The following SCUBE3 variants were observed in gnomAD, a reference collection of about 807,000 sequenced individuals.
SCUBE3 encodes signal peptide, CUB domain and EGF like domain containing 3, also known as signal peptide, CUB and EGF-like domain-containing protein 3.
Under a neutral mutation model 116.8 loss-of-function variants are expected in SCUBE3, and 33 were observed. The ratio of observed to expected loss-of-function variants is 0.28; its 90% confidence interval spans 0.21 to 0.38. SCUBE3 has a LOEUF of 0.38. Ranked by LOEUF, SCUBE3 falls within the 10% of genes least tolerant of loss-of-function variation. The probability of loss-of-function intolerance (pLI) is 1.00; values close to 1 mark genes in which losing one functional copy is unlikely to be tolerated. For missense variants in SCUBE3, 1,007 were observed against 1,324.8 expected (o/e 0.76, Z 3.72); for synonymous variants, 418 against 496.9 (o/e 0.84, Z 2.11).
chr6:35,227,703 G>T lies in SCUBE3; in HGVS notation c.208+1G>T, dbSNP rs1783383935. On this transcript the variant is annotated splice_donor_variant, in intron 2 of 21. Transcript: ENST00000274938. LOFTEE classifies it high-confidence loss of function. Reference sequence around the variant, plus strand: ...ACAGGGGACGGCAAACACTGCAAAGGTGAGGCTGGAAGGGCACCTGGAGGA... The same window carrying T: ...ACAGGGGACGGCAAACACTGCAAAGTTGAGGCTGGAAGGGCACCTGGAGGA... The T allele has an allele frequency of 6.2e-7, 1 of 1,613,996 alleles. No individual in the cohort carries two copies. The highest frequency in any genetic ancestry group is 1.3e-5 in the African/African-American group (1 of 74,918).
intron 1 of SCUBE3, among the ~76,000 whole-genome samples, chr6:35,226,221 T>A (rs982041026): frequency 6.6e-6 from 1 of 151,948 alleles, no homozygotes; most frequent in Non-Finnish European, 1.5e-5. Context: ...CCTAGGAGAG[T>A]TGACTCTGAT....
intron 1 of SCUBE3, among the ~76,000 whole-genome samples, chr6:35,226,756 G>C (rs555581187): frequency 7.3e-4 from 111 of 152,184 alleles, no homozygotes; most frequent in Non-Finnish European, 1.1e-3. Context: ...GGGATTACAG[G>C]CATGAGCCAC....
At chr6:35,216,494 A>C (rs1782899374) in intron 1 of SCUBE3, among the ~76,000 whole-genome samples, 1 of 152,202 alleles carries the variant, frequency 6.6e-6, no homozygotes, top group African/African-American at 2.4e-5. Context: ...CAGGAAATCT[A>C]CAAACCCCAT....
rs1470999985 is a variant in SCUBE3, at chr6:35,232,630, C to A, written c.470-220C>A. 1.3e-5 allele frequency among the ~76,000 whole-genome samples: 2 copies of A among 152,142 alleles called. No homozygotes were observed. The highest frequency in any genetic ancestry group is 2.9e-5 in the Non-Finnish European group (2 of 68,032). On this transcript the variant is annotated intron_variant, in intron 4 of 21. Coordinates refer to ENST00000274938, the MANE Select transcript of SCUBE3 (RefSeq NM_152753.4). The surrounding 1 kb of genome is among the most constrained non-coding windows in gnomAD (Gnocchi z 4.2). ...CGTTGGGATGAGTATCAATAGCTAG[C>A]TAGTTATACATCATTCAGAACAGCT...
rs1562058697 is a variant in SCUBE3 at position 35,243,660 on chromosome 6, C to A, written c.1976C>A (p.Thr659Asn). 3 of 1,614,100 alleles carry A rather than the reference C, an allele frequency of 1.9e-6. No individual in the cohort carries two copies. Among genetic ancestry groups the A allele is most frequent in the Middle Eastern group, 3.3e-4 (2 of 6,062 alleles). Residue 659 changes from threonine to asparagine, a missense_variant, in exon 16 of 22, where the codon ACC (threonine) becomes AAC (asparagine). By Grantham distance (65) the Thr-to-Asn change is moderately conservative (BLOSUM62 0). Coordinates refer to ENST00000274938, the MANE Select transcript of SCUBE3 (RefSeq NM_152753.4). This position sits in a 1 kb window ranked among gnomAD's most constrained non-coding sequence, Gnocchi z 6.6. ...CAGTGTGTGCCATGCCCAGCGGGCA[C>A]CTTCCAGGAGAGAGAAGGGCAGCTC... Reference protein sequence around the residue: ...TEQCVPCPAGTFQEREGQLSC... With the variant: ...TEQCVPCPAGNFQEREGQLSC...
intron 1 of SCUBE3, among the ~76,000 whole-genome samples, chr6:35,220,054 C>T (rs1045919074): frequency 2.0e-5 from 3 of 152,230 alleles, no homozygotes; most frequent in Non-Finnish European, 4.4e-5. Context: ...TGATTTCCTC[C>T]CTGGATCATG....
rs906467685 is a variant in SCUBE3 at position 35,214,177 on chromosome 6, C to A, written c.-242C>A. Among the ~76,000 whole-genome samples, 20 of 152,258 alleles carry A rather than the reference C, an allele frequency of 1.3e-4. No individual in the cohort carries two copies. The highest frequency in any genetic ancestry group is 4.1e-4 in the African/African-American group (17 of 41,572). On this transcript the variant is annotated 5_prime_UTR_variant, in exon 1 of 22. Coordinates refer to ENST00000274938, the MANE Select transcript of SCUBE3 (RefSeq NM_152753.4). The surrounding 1 kb of genome is among the most constrained non-coding windows in gnomAD (Gnocchi z 6.3). ...GTTCCCCTCCGTCAGTCGCCCCTGG[C>A]GCCCCTCGCCTCGTCGCACTCTCCG...
Position 35,245,400 on chromosome 6 carries a change from G to C in SCUBE3, c.2574G>C (p.Gly858=). The change falls in exon 19 of 22, where the codon GGG becomes GGC. Residue 858 remains glycine, a synonymous_variant. Transcript: ENST00000274938. The surrounding 1 kb of genome is among the most constrained non-coding windows in gnomAD (Gnocchi z 4.2). ...TCCTGCCATCTGAGGATGAGTGTGG[G>C]GACGTCCTCGTCATGAGAAAGAACT... ...EIFLPSEDEC[G]DVLVMRKNSS... The C allele has an allele frequency of 1.9e-6, 3 of 1,614,140 alleles. No individual in the cohort carries two copies. Among genetic ancestry groups the C allele is most frequent in the Non-Finnish European group, 2.5e-6 (3 of 1,180,004 alleles).
chr6:35,245,083 C>A lies in SCUBE3; in HGVS notation c.2402-145C>A. Reference sequence around the variant, plus strand: ...AAAAGGGCAGGAAGGAAGATGGACTCAGAGCTTGGAAAATAATGATGAACT... The same window carrying A: ...AAAAGGGCAGGAAGGAAGATGGACTAAGAGCTTGGAAAATAATGATGAACT... On this transcript the variant is annotated intron_variant, in intron 18 of 21. Transcript: ENST00000274938. This position sits in a 1 kb window ranked among gnomAD's most constrained non-coding sequence, Gnocchi z 4.2. 1 of 792,084 alleles carries A rather than the reference C, an allele frequency of 1.3e-6. No individual in the cohort carries two copies. Among genetic ancestry groups the A allele is most frequent in the South Asian group, 1.6e-5 (1 of 60,930 alleles). 49.1% of individuals were successfully genotyped at this position (792,084 alleles called of 1,614,324 possible).
intron 6 of SCUBE3, among the ~76,000 whole-genome samples, chr6:35,236,789 A>G (rs1409883931): frequency 1.3e-5 from 2 of 152,122 alleles, no homozygotes; most frequent in East Asian, 3.8e-4. Flanking sequence ...TATCTTCCCT[A>G]GTGGAGGTCT....
chr6:35,243,645 C>G lies in SCUBE3; in HGVS notation c.1961C>G (p.Pro654Arg). ...CACGGCCAGACGGAGCAGTGTGTGC[C>G]ATGCCCAGCGGGCACCTTCCAGGAG... Reference protein sequence around the residue: ...YYHGQTEQCVPCPAGTFQERE... With the variant: ...YYHGQTEQCVRCPAGTFQERE... Residue 654 changes from proline to arginine, a missense_variant, in exon 16 of 22, where the codon CCA becomes CGA. This residue lies in a region of SCUBE3 where 544 missense variants were observed against 638.9 expected (regional missense o/e 0.85). Coordinates refer to ENST00000274938, the MANE Select transcript of SCUBE3 (RefSeq NM_152753.4). This position sits in a 1 kb window ranked among gnomAD's most constrained non-coding sequence, Gnocchi z 6.6. The G allele has an allele frequency of 1.2e-6, 2 of 1,614,116 alleles. No individual in the cohort carries two copies. The highest frequency in any genetic ancestry group is 1.7e-6 in the Non-Finnish European group (2 of 1,179,986).
In SCUBE3 at chr6:35,231,998, C is replaced by T; in HGVS notation, c.469+139C>T. Reference sequence around the variant, plus strand: ...CTTCTCTTGTCCTTCAACTCAATCACACCCTAAAGGATCTAGGAACAGACA... The same window carrying T: ...CTTCTCTTGTCCTTCAACTCAATCATACCCTAAAGGATCTAGGAACAGACA... On this transcript the variant is annotated intron_variant, in intron 4 of 21. Transcript: ENST00000274938. This position sits in a 1 kb window ranked among gnomAD's most constrained non-coding sequence, Gnocchi z 4.2. 2 of 762,212 alleles carry T rather than the reference C, an allele frequency of 2.6e-6. No individual in the cohort carries two copies. The highest frequency in any genetic ancestry group is 4.1e-6 in the Non-Finnish European group (2 of 485,728). The allele number at this position is 762,212 out of a possible 1,614,324, so 47.2% of individuals were successfully genotyped here. A position where few individuals can be genotyped will look rare whatever the true frequency, so the allele number is the denominator to read the frequency against.
At position 35,245,695 on chromosome 6, in the gene SCUBE3, C is replaced by T. The variant is rs945728628; in HGVS notation, c.2600-249C>T. On this transcript the variant is annotated intron_variant, in intron 19 of 21. Coordinates refer to ENST00000274938, the MANE Select transcript of SCUBE3 (RefSeq NM_152753.4). This position sits in a 1 kb window ranked among gnomAD's most constrained non-coding sequence, Gnocchi z 4.2. Reference sequence around the variant, plus strand: ...TCACTTTCCTATCCTAGCATTTTTGCCATTCCATTCATTTAAATGTCATAT... The same window carrying T: ...TCACTTTCCTATCCTAGCATTTTTGTCATTCCATTCATTTAAATGTCATAT... 4.6e-5 allele frequency among the ~76,000 whole-genome samples: 7 copies of T among 152,144 alleles called. No individual in the cohort carries two copies. The highest frequency in any genetic ancestry group is 1.7e-4 in the African/African-American group (7 of 41,420).
intron 1 of SCUBE3, among the ~76,000 whole-genome samples, chr6:35,216,640 C>A (rs1484565760): frequency 6.6e-6 from 1 of 152,226 alleles, no homozygotes; most frequent in African/African-American, 2.4e-5. Flanking sequence ...TAGACACAGT[C>A]TGTGAGCATC....
chr6:35,217,015 C>A (rs1782922749), intron 1 of SCUBE3, among the ~76,000 whole-genome samples: 1 of 151,546 alleles, frequency 6.6e-6, no homozygotes, highest in African/African-American at 2.4e-5. Flanking sequence ...GGGTAAACTG[C>A]TGTTTTAGTG....
chr6:35,228,569 G>A lies in SCUBE3; in HGVS notation c.209-45G>A, dbSNP rs373811898. 22 of 1,606,520 alleles carry A rather than the reference G, an allele frequency of 1.4e-5. No homozygotes were observed. The highest frequency in any genetic ancestry group is 2.7e-5 in the African/African-American group (2 of 74,794). ...AGGCTGAGTCTGGGGGTGGACAGTGGGTTCGCAGGTGGGTTCAGCTGTCTC... is the reference window on the plus strand; with the variant it reads ...AGGCTGAGTCTGGGGGTGGACAGTGAGTTCGCAGGTGGGTTCAGCTGTCTC... On this transcript the variant is annotated intron_variant, in intron 2 of 21. Coordinates refer to ENST00000274938, the MANE Select transcript of SCUBE3 (RefSeq NM_152753.4). This position sits in a 1 kb window ranked among gnomAD's most constrained non-coding sequence, Gnocchi z 4.9.
rs1245949874 is a variant in SCUBE3 at position 35,232,354 on chromosome 6, C to A, written c.469+495C>A. ...CCCCAGCACCTAACATACTGCCCTG[C>A]GTGTAGTGAGAGTTTAATAAATGTT... is the stretch of plus-strand genomic sequence containing the variant. On this transcript the variant is annotated intron_variant, in intron 4 of 21. Coordinates refer to ENST00000274938, the MANE Select transcript of SCUBE3 (RefSeq NM_152753.4). The surrounding 1 kb of genome is among the most constrained non-coding windows in gnomAD (Gnocchi z 4.2). 6.6e-6 allele frequency among the ~76,000 whole-genome samples: 1 copy of A among 152,090 alleles called. No individual in the cohort carries two copies. Among genetic ancestry groups the A allele is most frequent in the Non-Finnish European group, 1.5e-5 (1 of 68,012 alleles).
chr6:35,237,995 A>T lies in SCUBE3; in HGVS notation c.806A>T (p.Gln269Leu), dbSNP rs1324522921. ...HCTCPVGFML[Q>L]PDRKTCKDID... is the part of the protein sequence containing the mutation. ...ACCTGCCCTGTGGGCTTCATGCTGC[A>T]GCCAGACAGGAAGACGTGCAAAGGT... Residue 269 changes from glutamine (Q) to leucine (L), a missense_variant, in exon 7 of 22, where the codon CAG becomes CTG. By Grantham distance (113) the Gln-to-Leu change is moderately radical (BLOSUM62 -2). Around this residue, in one of 5 missense-constraint regions of SCUBE3, gnomAD observed 214 missense variants for 316.7 expected, o/e 0.68. Coordinates refer to ENST00000274938, the MANE Select transcript of SCUBE3 (RefSeq NM_152753.4). 2 of 1,607,780 alleles carry T rather than the reference A, an allele frequency of 1.2e-6. No individual in the cohort carries two copies. The highest frequency in any genetic ancestry group is 1.7e-5 in the Admixed American group (1 of 59,930).
intron 1 of SCUBE3, among the ~76,000 whole-genome samples, chr6:35,215,614 G>C (rs776893642): frequency 2.0e-5 from 3 of 152,100 alleles, no homozygotes. Context: ...CTGAGTGTCC[G>C]ACACAGGTCG....
Sources: gnomAD v4.1 joint callset for allele counts (sites outside exome capture counted in the v4.1 genomes callset) on GRCh38, gnomAD v4.1.1 for gene constraint, gnomAD v4.1.1 regional missense constraint, Gnocchi (gnomAD v3.1) non-coding constraint, MANE v1.5 for transcripts, NCBI Gene and HGNC (gene_info 2026-07-23, HGNC 2026-07-21) for gene names.